RYR3: variants seen among roughly 807,000 people sequenced by gnomAD.
RYR3 encodes the protein ryanodine receptor 3, also known as brain ryanodine receptor-calcium release channel.
RYR3 carries 207 observed loss-of-function variants against 584.3 expected under a neutral mutation model. The ratio of observed to expected loss-of-function variants is 0.35; its 90% confidence interval spans 0.32 to 0.40. The LOEUF is 0.40. RYR3 is among the 10% of genes least tolerant of loss of function. The pLI, the probability that RYR3 is intolerant of heterozygous loss-of-function variation, is 1.00. For missense variants in RYR3, 5,616 were observed against 6,089.2 expected (o/e 0.92, Z 2.59); for synonymous variants, 2,416 against 2,248.5 (o/e 1.07, Z -2.11).
intron 38 of RYR3, among the ~76,000 whole-genome samples, chr15:33,673,670 G>T (rs2063984704): frequency 1.3e-5 from 2 of 152,140 alleles, no homozygotes; most frequent in African/African-American, 4.8e-5. Flanking sequence ...TCCAGAAGAG[G>T]CTGACCATCT....
chr15:33,794,272 T>C (rs1163837271), intron 67 of RYR3, among the ~76,000 whole-genome samples: 2 of 121,702 alleles, frequency 1.6e-5, no homozygotes, highest in African/African-American at 5.9e-5. Context: ...TTCCCATAGA[T>C]AGGTAAGGAA....
intron 35 of RYR3, 115 bp from the exon 36 acceptor site, chr15:33,663,422 C>A: frequency 1.2e-6 from 1 of 833,552 alleles, no homozygotes; most frequent in Non-Finnish European, 1.9e-6. Context: ...AGCTTTATGG[C>A]TACTGTGTGG....
chr15:33,354,393 T>C (rs1312130455), intron 1 of RYR3, among the ~76,000 whole-genome samples: 2 of 152,358 alleles, frequency 1.3e-5, no homozygotes, highest in East Asian at 1.9e-4. Flanking sequence ...TTCTGCAAAC[T>C]GCACACACAA....
At chr15:33,616,879 C>G (rs1319562321) in intron 19 of RYR3, among the ~76,000 whole-genome samples, 1 of 152,220 alleles carries the variant, frequency 6.6e-6, no homozygotes, top group African/African-American at 2.4e-5. Flanking sequence ...TAGTGCATCA[C>G]ATGATGACCT....
intron 36 of RYR3, 36 bp downstream of exon 36, chr15:33,663,773 T>C: frequency 6.5e-7 from 1 of 1,542,896 alleles, no homozygotes; most frequent in Non-Finnish European, 8.8e-7. Flanking sequence ...CCAGTTCCTA[T>C]GGAAGAACTT....
chr15:33,402,222 C>T (rs993171190), intron 1 of RYR3, among the ~76,000 whole-genome samples: 1 of 152,122 alleles, frequency 6.6e-6, no homozygotes, highest in African/African-American at 2.4e-5. Flanking sequence ...TTATAAGACA[C>T]TAATAAATTC....
At chr15:33,601,144 C>T (rs1393314104) in intron 16 of RYR3, among the ~76,000 whole-genome samples, 1 of 152,108 alleles carries the variant, frequency 6.6e-6, no homozygotes, top group Non-Finnish European at 1.5e-5. Flanking sequence ...AGAGCAATGG[C>T]CACCGATGGT....
At chr15:33,637,453 C>T (rs905467601) in intron 27 of RYR3, among the ~76,000 whole-genome samples, 3 of 152,240 alleles carry the variant, frequency 2.0e-5, no homozygotes, top group Admixed American at 2.0e-4. Context: ...GAGAAGGGGG[C>T]TGTGCTGGAT....
At chr15:33,627,506 T>C (rs2061053796) in intron 20 of RYR3, among the ~76,000 whole-genome samples, 1 of 152,136 alleles carries the variant, frequency 6.6e-6, no homozygotes, top group African/African-American at 2.4e-5. Flanking sequence ...AGGGTGTGTG[T>C]GATGTATATG....
chr15:33,536,075 C>T (rs543645704), intron 5 of RYR3, among the ~76,000 whole-genome samples: 1 of 152,306 alleles, frequency 6.6e-6, no homozygotes, highest in African/African-American at 2.4e-5. Context: ...TCAGCATTAC[C>T]TGGAGATTCT....
intron 86 of RYR3, among the ~76,000 whole-genome samples, chr15:33,833,100 T>C (rs569025703): frequency 1.3e-5 from 2 of 151,748 alleles, no homozygotes; most frequent in African/African-American, 4.8e-5. Context: ...TCTGTGTCAG[T>C]GATTTGGAGA....
chr15:33,669,220 A>G, intron 36 of RYR3, 134 bp from the exon 37 acceptor site: 1 of 552,702 alleles, frequency 1.8e-6, no homozygotes. Context: ...AATATTGGCC[A>G]CTTTTACCAA....
At chr15:33,581,680 T>C (rs372882073) in intron 14 of RYR3, 37 bp downstream of exon 14, 1 of 1,583,994 alleles carries the variant, frequency 6.3e-7, no homozygotes, top group Non-Finnish European at 8.7e-7. Flanking sequence ...CTGGGATGAT[T>C]TCCATGGGAT....
chr15:33,820,016 A>G (rs1313550882), intron 77 of RYR3, among the ~76,000 whole-genome samples: 1 of 152,186 alleles, frequency 6.6e-6, no homozygotes, highest in African/African-American at 2.4e-5. Flanking sequence ...TGCAGAAACA[A>G]TGGGTGCTGG....
chr15:33,814,629 T>TG (rs2076711124), intron 74 of RYR3, among the ~76,000 whole-genome samples: 1 of 152,150 alleles, frequency 6.6e-6, no homozygotes, highest in African/African-American at 2.4e-5. Context: ...CCGGGCGCAG[T>TG]GGCTCACTCC....
chr15:33,686,783 A>G (rs941342145), intron 38 of RYR3, among the ~76,000 whole-genome samples: 1 of 152,260 alleles, frequency 6.6e-6, no homozygotes, highest in Non-Finnish European at 1.5e-5. Context: ...AAATCAATAA[A>G]TGTAATCCAT....
At chr15:33,636,989 T>C (rs912783024) in intron 27 of RYR3, among the ~76,000 whole-genome samples, 3 of 152,230 alleles carry the variant, frequency 2.0e-5, no homozygotes, top group Non-Finnish European at 4.4e-5. Context: ...AAGAGAATGA[T>C]TGAAACACAA....
chr15:33,801,085 C>T (rs1308049037), intron 68 of RYR3, among the ~76,000 whole-genome samples: 2 of 152,194 alleles, frequency 1.3e-5, no homozygotes, highest in East Asian at 3.8e-4. Flanking sequence ...AAGTTACTGA[C>T]AGAGGCATAA....
At chr15:33,776,686 CTT>C (rs2074014004) in intron 64 of RYR3, among the ~76,000 whole-genome samples, 1 of 152,204 alleles carries the variant, frequency 6.6e-6, no homozygotes, top group Admixed American at 6.5e-5. Flanking sequence ...TATTTCCTCT[CTT>C]TAGTACCCTC....
Sources: allele counts gnomAD v4.1 joint callset (sites outside exome capture counted in the v4.1 genomes callset), GRCh38; gene constraint gnomAD v4.1.1; transcripts MANE v1.5; gene names NCBI Gene and HGNC (gene_info 2026-07-23, HGNC 2026-07-21).